THRB: variants seen among roughly 807,000 people sequenced by gnomAD.
The protein encoded by THRB is nuclear receptor subfamily 1 group A member 2.
In THRB, 12 loss-of-function variants were observed where a neutral mutation model predicts 47.8. The observed-to-expected ratio is 0.25, with a 90% CI of 0.16 to 0.41. The LOEUF is 0.41. THRB is among the 10% of genes least tolerant of loss of function. The probability of loss-of-function intolerance (pLI) is 1.00; values close to 1 mark genes in which losing one functional copy is unlikely to be tolerated. For synonymous variants in THRB, 218 were observed against 212.2 expected (o/e 1.03, Z -0.24); for missense variants, 348 against 589.2 (o/e 0.59, Z 4.24).
intron 4 of THRB, among the ~76,000 whole-genome samples, chr3:24,193,604 C>A (rs1268165142): frequency 6.6e-6 from 1 of 152,126 alleles, no homozygotes; most frequent in Admixed American, 6.5e-5. Context: ...TAGATATTAT[C>A]TTGTAGATTG....
At chr3:24,220,249 G>C (rs530369154) in intron 4 of THRB, among the ~76,000 whole-genome samples, 1 of 152,266 alleles carries the variant, frequency 6.6e-6, no homozygotes, top group African/African-American at 2.4e-5. Flanking sequence ...CCAGCACTTT[G>C]GGAGGCTAAG....
intron 1 of THRB, among the ~76,000 whole-genome samples, chr3:24,418,178 T>G (rs1165838315): frequency 1.3e-5 from 2 of 151,780 alleles, no homozygotes; most frequent in Non-Finnish European, 1.5e-5. Context: ...TATAGCAGTC[T>G]GCAACCCTGT....
At chr3:24,251,384 A>T (rs147577182) in intron 3 of THRB, among the ~76,000 whole-genome samples, 1 of 152,254 alleles carries the variant, frequency 6.6e-6, no homozygotes, top group East Asian at 1.9e-4. Context: ...ATGTGTAAAG[A>T]TATCCCAAAG....
At chr3:24,372,905 A>C (rs932784121) in intron 1 of THRB, among the ~76,000 whole-genome samples, 2 of 152,140 alleles carry the variant, frequency 1.3e-5, no homozygotes, top group Admixed American at 1.3e-4. Context: ...TAGAATATCA[A>C]AAGAGAGAAT....
chr3:24,419,681 G>T (rs2069065306), intron 1 of THRB, among the ~76,000 whole-genome samples: 2 of 151,892 alleles, frequency 1.3e-5, no homozygotes, highest in Non-Finnish European at 2.9e-5. Context: ...ACATTGCATA[G>T]TCCTTTGTCC....
chr3:24,199,254 T>C (rs2044320376), intron 4 of THRB, among the ~76,000 whole-genome samples: 2 of 152,358 alleles, frequency 1.3e-5, no homozygotes, highest in East Asian at 1.9e-4. Flanking sequence ...TGTTCAACTT[T>C]TGTCCGGTTA....
At chr3:24,147,701 A>G (rs1036953681) in intron 6 of THRB, among the ~76,000 whole-genome samples, 1 of 152,218 alleles carries the variant, frequency 6.6e-6, no homozygotes, top group Non-Finnish European at 1.5e-5. Context: ...GTAGAAGTTA[A>G]TAACAGCAGT....
Position 24,316,224 on chromosome 3 carries a change from A to G in THRB, c.-188-18853T>C, listed in dbSNP as rs1169149862. ...TGGGCTACTACAGAGTCATGAAAAT[A>G]ACTGCTGGTCAACCACCAAAACAAA... On this transcript the variant is annotated intron_variant, in intron 2 of 10. Coordinates refer to ENST00000646209, the MANE Select transcript of THRB (RefSeq NM_001354712.2). 2.0e-5 allele frequency among the ~76,000 whole-genome samples: 3 copies of G among 152,218 alleles called. No homozygotes were observed. The East Asian group carries it at 5.8e-4, about 29-fold the overall frequency.
chr3:24,295,962 T>A (rs2056411713), intron 3 of THRB, among the ~76,000 whole-genome samples: 1 of 152,228 alleles, frequency 6.6e-6, no homozygotes, highest in African/African-American at 2.4e-5. Context: ...AATTTACATT[T>A]AACCACCTTT....
At chr3:24,244,839 C>A (rs150115131) in intron 3 of THRB, among the ~76,000 whole-genome samples, 1,653 of 152,252 alleles carry the variant, frequency 0.011, 23 homozygotes, top group African/African-American at 0.037. Flanking sequence ...CAGCACATTG[C>A]AATGAAAATG....
At chr3:24,357,772 C>T (rs188163579) in intron 1 of THRB, among the ~76,000 whole-genome samples, 2 of 152,170 alleles carry the variant, frequency 1.3e-5, no homozygotes, top group Non-Finnish European at 2.9e-5. Context: ...TTAGGTTGTA[C>T]GCTGTTCTTT....
intron 1 of THRB, among the ~76,000 whole-genome samples, chr3:24,475,601 C>A (rs1179513352): frequency 6.6e-6 from 1 of 152,132 alleles, no homozygotes; most frequent in South Asian, 2.1e-4. Flanking sequence ...GATGACACTA[C>A]TAGTGACTAG....
intron 4 of THRB, among the ~76,000 whole-genome samples, chr3:24,213,285 T>G (rs62253694): frequency 6.6e-6 from 1 of 152,182 alleles, no homozygotes; most frequent in African/African-American, 2.4e-5. Context: ...TTTAGTTGAT[T>G]TGTGGCACAT....
intron 2 of THRB, among the ~76,000 whole-genome samples, chr3:24,324,630 A>G (rs2058695422): frequency 6.6e-6 from 1 of 152,318 alleles, no homozygotes; most frequent in South Asian, 2.1e-4. Flanking sequence ...TTGAATTTTA[A>G]TGGAGAAATC....
intron 1 of THRB, among the ~76,000 whole-genome samples, chr3:24,476,720 A>G (rs1444262758): frequency 6.6e-6 from 1 of 152,202 alleles, no homozygotes; most frequent in Non-Finnish European, 1.5e-5. Context: ...TTGAATTAAG[A>G]TGAGTGTTTC....
chr3:24,367,996 C>T (rs2064602644), intron 1 of THRB, among the ~76,000 whole-genome samples: 1 of 152,022 alleles, frequency 6.6e-6, no homozygotes. Context: ...CCCAGGTTAG[C>T]ACAAAAACAG....
chr3:24,205,744 T>C (rs2045261439), intron 4 of THRB, among the ~76,000 whole-genome samples: 1 of 152,118 alleles, frequency 6.6e-6, no homozygotes, highest in Non-Finnish European at 1.5e-5. Context: ...GTGTGCTGTA[T>C]TCAGGAAACC....
intron 3 of THRB, among the ~76,000 whole-genome samples, chr3:24,274,180 T>C (rs986256269): frequency 2.6e-5 from 4 of 152,146 alleles, no homozygotes; most frequent in African/African-American, 4.8e-5. Flanking sequence ...TTCTTTACAA[T>C]GATCCACTTA....
chr3:24,126,034 C>A (rs990218902), intron 10 of THRB, among the ~76,000 whole-genome samples: 4 of 152,180 alleles, frequency 2.6e-5, no homozygotes, highest in African/African-American at 4.8e-5. Context: ...TTATTTCTTT[C>A]TTTTTTTAAA....
Sources: allele counts gnomAD v4.1 joint callset (sites outside exome capture counted in the v4.1 genomes callset), GRCh38; gene constraint gnomAD v4.1.1; transcripts MANE v1.5; gene names NCBI Gene and HGNC (gene_info 2026-07-23, HGNC 2026-07-21).